The following ZNF681 variants were observed in gnomAD, a reference collection of about 807,000 sequenced individuals.
The protein encoded by ZNF681 is zinc finger protein 681, also known as hypothetical protein FLJ31526.
In ZNF681, 37 loss-of-function variants were observed where a neutral mutation model predicts 56.0. The observed-to-expected ratio is 0.66, with a 90% CI of 0.51 to 0.87. The LOEUF (loss-of-function observed/expected upper bound fraction) is 0.87, where lower values mean the gene tolerates loss of function less well. ZNF681 is among the 40% of genes least tolerant of loss of function. The pLI, the probability that ZNF681 is intolerant of heterozygous loss-of-function variation, is 0.00. For missense variants in ZNF681, 741 were observed against 744.9 expected (o/e 0.99, Z 0.06); for synonymous variants, 225 against 248.6 (o/e 0.91, Z 0.89).
chr19:23,754,919 C>G lies in ZNF681; in HGVS notation c.131-1G>C, dbSNP rs886962614. On this transcript the variant is annotated splice_acceptor_variant, in intron 2 of 3. Coordinates refer to ENST00000402377, the MANE Select transcript of ZNF681 (RefSeq NM_138286.3). LOFTEE classifies it high-confidence loss of function. ...AGGTCTGGCTTAGAGACAACAATACCTGTTTTATTGAAAGTAAATAACATA... is the reference window on the plus strand; with the variant it reads ...AGGTCTGGCTTAGAGACAACAATACGTGTTTTATTGAAAGTAAATAACATA... The G allele has an allele frequency of 5.0e-6, 8 of 1,610,520 alleles. No homozygotes were observed. In the African/African-American group the frequency reaches 1.1e-4, roughly 22 times the overall value.
Position 23,744,902 on chromosome 19 carries a change from ATGT to A in ZNF681, c.645_647del (p.Lys215_His216delinsAsn). On this transcript the variant is annotated inframe_deletion, in exon 4 of 4. Transcript: ENST00000402377. ...ATTTCTCTCCAATATGAATTCTTTT[ATGT>A]TTAGTAAAGATTGAGGATCCATTAA... is the stretch of plus-strand genomic sequence containing the variant. 6.2e-7 allele frequency: 1 copy of A among 1,608,910 alleles called. No individual in the cohort carries two copies.
rs1235729344 is a variant in ZNF681, at chr19:23,744,348, T to C, written c.1202A>G (p.Lys401Arg). The part of the protein sequence containing the change: ...EKPYKCEECG[K>R]AFNKSSHLTR... ...AAGGTGTGAGGACTTGTTAAAAGCT[T>C]TGCCACATTCTTCACATTTGTAGGG... Residue 401 changes from lysine to arginine, a missense_variant, in exon 4 of 4, where the codon AAA (lysine) becomes AGA (arginine). Transcript: ENST00000402377. 6.2e-7 allele frequency: 1 copy of C among 1,613,918 alleles called. No individual in the cohort carries two copies. Among genetic ancestry groups the C allele is most frequent in the Non-Finnish European group, 8.5e-7 (1 of 1,179,962 alleles).
chr19:23,751,472 C>G (rs1969029585), intron 3 of ZNF681, among the ~76,000 whole-genome samples: 1 of 25,942 alleles, frequency 3.9e-5, no homozygotes, highest in Non-Finnish European at 8.1e-5. Flanking sequence ...GAGACTCCGT[C>G]TCAAAAAAAA....
chr19:23,751,501 A>C (rs1177012456), intron 3 of ZNF681, among the ~76,000 whole-genome samples: 2 of 151,946 alleles, frequency 1.3e-5, no homozygotes, highest in African/African-American at 4.8e-5. Flanking sequence ...GAAAACAAAA[A>C]AAATTCTATT....
In ZNF681 at chr19:23,741,049, T is replaced by C. The variant is rs1968869014; in HGVS notation, c.*2563A>G. On this transcript the variant is annotated 3_prime_UTR_variant, in exon 4 of 4. Coordinates refer to ENST00000402377, the MANE Select transcript of ZNF681 (RefSeq NM_138286.3). ...TACAAAGCAGAGAGTATGGATTTGT[T>C]TTCAGCATTTTTAAGTTTTTTTAGT... The C allele has an allele frequency of 6.6e-6, 1 of 152,126 alleles. No individual in the cohort carries two copies. The highest frequency in any genetic ancestry group is 1.9e-4 in the East Asian group (1 of 5,188). 9.4% of individuals were successfully genotyped at this position (152,126 alleles called of 1,614,324 possible).
chr19:23,757,339 T>C (rs758949577), intron 1 of ZNF681, among the ~76,000 whole-genome samples: 1 of 152,190 alleles, frequency 6.6e-6, no homozygotes. Context: ...TCCCAGGATT[T>C]AGATGAAAAG....
chr19:23,750,833 A>AC lies in ZNF681; in HGVS notation c.226+3989_226+3990insG, dbSNP rs1014430074. On this transcript the variant is annotated intron_variant, in intron 3 of 3. Coordinates refer to ENST00000402377, the MANE Select transcript of ZNF681 (RefSeq NM_138286.3). ...AAGTGAGACCGCATCTCTAAAAAAAAAAAAAAACACCCAGGCGCAGTGGCT... is the reference window on the plus strand; with the variant it reads ...AAGTGAGACCGCATCTCTAAAAAAAACAAAAAAACACCCAGGCGCAGTGGCT... Among the ~76,000 whole-genome samples, 3 of 150,126 alleles carry AC rather than the reference A, an allele frequency of 2.0e-5. No homozygotes were observed. The Admixed American group carries it at 2.0e-4, about 10-fold the overall frequency.
chr19:23,756,321 T>TC (rs56016834), intron 1 of ZNF681, among the ~76,000 whole-genome samples: 140,236 of 148,362 alleles, frequency 0.95, 66,516 homozygotes, highest in Non-Finnish European at 0.99. Flanking sequence ...CGACACTCTG[T>TC]CCCCCCCCAA....
At position 23,740,411 on chromosome 19, in the gene ZNF681, A is replaced by C. The variant is rs1968862493; in HGVS notation, c.*3201T>G. 1 of 152,180 alleles carries C rather than the reference A, an allele frequency of 6.6e-6. No homozygotes were observed. The highest frequency in any genetic ancestry group is 6.5e-5 in the Admixed American group (1 of 15,284). 9.4% of individuals were successfully genotyped at this position (152,180 alleles called of 1,614,324 possible). On this transcript the variant is annotated 3_prime_UTR_variant, in exon 4 of 4. Transcript: ENST00000402377. ...AAGACAATTAGGAAATAAAAGAAGC[A>C]CAATTTTTTAATTCAGCAAAACTGA...
intron 3 of ZNF681, among the ~76,000 whole-genome samples, chr19:23,751,982 C>T (rs142109601): frequency 6.6e-6 from 1 of 152,124 alleles, no homozygotes; most frequent in African/African-American, 2.4e-5. Context: ...CCACTGCGCC[C>T]GGCCTGAGGT....
chr19:23,754,337 G>GT (rs1333571826), intron 3 of ZNF681, among the ~76,000 whole-genome samples: 7 of 152,214 alleles, frequency 4.6e-5, no homozygotes, highest in South Asian at 2.1e-4. Flanking sequence ...ACTTAAAAGC[G>GT]TAAGACAGAA....
At position 23,742,397 on chromosome 19, in the gene ZNF681, A is replaced by T. The variant is rs573488851; in HGVS notation, c.*1215T>A. 6.6e-5 allele frequency: 10 copies of T among 152,290 alleles called. No individual in the cohort carries two copies. In the South Asian group the frequency reaches 2.1e-3, roughly 32 times the overall value. 9.4% of individuals were successfully genotyped at this position (152,290 alleles called of 1,614,324 possible). A position where few individuals can be genotyped will look rare whatever the true frequency, so the allele number is the denominator to read the frequency against. ...TCCCAGCTACTCGGGAGGCTGAGGC[A>T]GGAGAATCCCTTGAACCTGGGAGGT... is the stretch of plus-strand genomic sequence containing the variant. On this transcript the variant is annotated 3_prime_UTR_variant, in exon 4 of 4. Coordinates refer to ENST00000402377, the MANE Select transcript of ZNF681 (RefSeq NM_138286.3).
chr19:23,743,785 G>C lies in ZNF681; in HGVS notation c.1765C>G (p.Pro589Ala). ...RHKRIHTGEK[P>A]YQCEKCGKAF... ...TTGCCACATTTTTCACATTGGTAGG[G>C]TTTCTCTCCAGTATGAATTCTCTTA... The change falls in exon 4 of 4, where the codon CCC becomes GCC. Residue 589 changes from proline to alanine, a missense_variant. By Grantham distance (27) the Pro-to-Ala change is conservative. Coordinates refer to ENST00000402377, the MANE Select transcript of ZNF681 (RefSeq NM_138286.3). 6.2e-7 allele frequency: 1 copy of C among 1,613,348 alleles called. No individual in the cohort carries two copies. Among genetic ancestry groups the C allele is most frequent in the Non-Finnish European group, 8.5e-7 (1 of 1,179,696 alleles).
In ZNF681 at chr19:23,744,307, T is replaced by A. The variant is rs1323902873; in HGVS notation, c.1243A>T (p.Ile415Phe). The change falls in exon 4 of 4, where the codon ATT becomes TTT. Residue 415 changes from isoleucine (I) to phenylalanine (F), a missense_variant. Physicochemically the swap from Ile to Phe is conservative, Grantham distance 21. Transcript: ENST00000402377. ...TGGTAGGGTTTTTCTCCAGTATGAA[T>A]GCTCTTATGTCTAGTAAGGTGTGAG... is the stretch of plus-strand genomic sequence containing the variant. Reference protein sequence around the residue: ...KSSHLTRHKSIHTGEKPYQCE... With the variant: ...KSSHLTRHKSFHTGEKPYQCE... 3.1e-6 allele frequency: 5 copies of A among 1,613,930 alleles called. No individual in the cohort carries two copies. Among genetic ancestry groups the A allele is most frequent in the Non-Finnish European group, 4.2e-6 (5 of 1,179,924 alleles).
intron 1 of ZNF681, 33 bp from the exon 2 acceptor site, chr19:23,755,584 C>CAT: frequency 1.4e-6 from 2 of 1,447,580 alleles, no homozygotes; most frequent in Non-Finnish European, 1.8e-6. Context: ...CACACACACA[C>CAT]ACACACACAC....
rs147657626 is a variant in ZNF681, at chr19:23,743,631, T to A, written c.1919A>T (p.Tyr640Phe). 3 of 1,504,564 alleles carry A rather than the reference T, an allele frequency of 2.0e-6. No homozygotes were observed. The highest frequency in any genetic ancestry group is 2.8e-5 in the African/African-American group (2 of 71,064). 93.2% of individuals were successfully genotyped at this position (1,504,564 alleles called of 1,614,324 possible). Residue 640 changes from tyrosine (Y) to phenylalanine (F), a missense_variant, in exon 4 of 4, where the codon TAT becomes TTT. Transcript: ENST00000402377. ...TSKFSKHKRN[Y>F]AGEKS ...ACATTTCTAAGATTTCTCACCAGCATAATTTCTTTTATGTTTAGAAAACTT... is the reference window on the plus strand; with the variant it reads ...ACATTTCTAAGATTTCTCACCAGCAAAATTTCTTTTATGTTTAGAAAACTT...
At chr19:23,747,994 T>C (rs1238094925) in intron 3 of ZNF681, among the ~76,000 whole-genome samples, 4 of 152,094 alleles carry the variant, frequency 2.6e-5, no homozygotes, top group Non-Finnish European at 4.4e-5. Context: ...CTTTGAATCA[T>C]ATACAAAAAA....
At position 23,743,071 on chromosome 19, in the gene ZNF681, T is replaced by C. The variant is rs752479645; in HGVS notation, c.*541A>G. 2 of 152,224 alleles carry C rather than the reference T, an allele frequency of 1.3e-5. No individual in the cohort carries two copies. Among genetic ancestry groups the C allele is most frequent in the Non-Finnish European group, 2.9e-5 (2 of 68,042 alleles). The allele number at this position is 152,224 out of a possible 1,614,324, so 9.4% of individuals were successfully genotyped here. On this transcript the variant is annotated 3_prime_UTR_variant, in exon 4 of 4. Coordinates refer to ENST00000402377, the MANE Select transcript of ZNF681 (RefSeq NM_138286.3). ...TTCATATTTACTGCATCTGCAAAAATAGATTTTAGTATGAACCCTCTAGTG... is the reference window on the plus strand; with the variant it reads ...TTCATATTTACTGCATCTGCAAAAACAGATTTTAGTATGAACCCTCTAGTG...
In ZNF681 at chr19:23,743,596, TACATTCTTC is replaced by T; in HGVS notation, c.*7_*15del. 6.8e-7 allele frequency: 1 copy of T among 1,462,146 alleles called. No individual in the cohort carries two copies. Among genetic ancestry groups the T allele is most frequent in the Non-Finnish European group, 9.0e-7 (1 of 1,107,730 alleles). 90.6% of individuals were successfully genotyped at this position (1,462,146 alleles called of 1,614,324 possible). On this transcript the variant is annotated 3_prime_UTR_variant, in exon 4 of 4. Transcript: ENST00000402377. ...GTGTGACAACTTTTAAAGGTTTTGT[TACATTCTTC>T]ACATTTCTAAGATTTCTCACCAGCA...
Sources: allele counts gnomAD v4.1 joint callset (sites outside exome capture counted in the v4.1 genomes callset), GRCh38; gene constraint gnomAD v4.1.1; transcripts MANE v1.5; gene names NCBI Gene and HGNC (gene_info 2026-07-23, HGNC 2026-07-21).